Variants in WEE2 observed in about 807,000 individuals in gnomAD.
WEE2 encodes the protein wee1-like protein kinase 2.
A neutral mutation model predicts 60.1 loss-of-function variants in WEE2; 50 were observed. The ratio of observed to expected loss-of-function variants is 0.83; its 90% CI spans 0.66 to 1.05. The LOEUF (loss-of-function observed/expected upper bound fraction) is 1.05. WEE2 is among the 50% of genes least tolerant of loss of function. The pLI is 0.00. For missense variants in WEE2, 631 were observed against 684.3 expected (o/e 0.92, Z 0.87); for synonymous variants, 240 against 241.0 (o/e 1.00, Z 0.04).
chr7:141,717,299 T>C (rs1228869726), intron 3 of WEE2, among the ~76,000 whole-genome samples: 3 of 152,252 alleles, frequency 2.0e-5, no homozygotes, highest in African/African-American at 7.2e-5. Context: ...AATATGTTAA[T>C]ATGTTAAAAT....
chr7:141,727,125 G>C, intron 9 of WEE2, 179 bp from the exon 10 acceptor site: 1 of 623,734 alleles, frequency 1.6e-6, no homozygotes, highest in Non-Finnish European at 2.8e-6. Context: ...GGTGCTACCA[G>C]ACATGGACAA....
chr7:141,719,787 T>C (rs537158806), intron 4 of WEE2, among the ~76,000 whole-genome samples: 1 of 152,294 alleles, frequency 6.6e-6, no homozygotes, highest in Admixed American at 6.5e-5. Flanking sequence ...TGTTTTTTTG[T>C]GGCTTTTACT....
At position 141,711,758 on chromosome 7, in the gene WEE2, A is replaced by C. The variant is rs1161251275; in HGVS notation, c.343-2451A>C. 6.6e-6 allele frequency: 1 copy of C among 152,262 alleles called. No homozygotes were observed. Among genetic ancestry groups the C allele is most frequent in the African/African-American group, 2.4e-5 (1 of 41,462 alleles). 9.4% of individuals were successfully genotyped at this position (152,262 alleles called of 1,614,324 possible). On this transcript the variant is annotated intron_variant, in intron 1 of 11. Coordinates refer to ENST00000397541, the MANE Select transcript of WEE2 (RefSeq NM_001105558.1). This position sits in a 1 kb window ranked among gnomAD's most constrained non-coding sequence, Gnocchi z 4.2. ...AAGAAAAGAGGTTTATTTGGCTTAC[A>C]GTTCTGCAGGCTGTACAGTAAGCAT...
chr7:141,727,450 T>A lies in WEE2; in HGVS notation c.1535+4T>A. On this transcript the variant is annotated splice_donor_region_variant and intron_variant, in intron 10 of 11. Coordinates refer to ENST00000397541, the MANE Select transcript of WEE2 (RefSeq NM_001105558.1). ...TCAAGACTGCCACACTGGAAAGGTA[T>A]ATTTTTGGATGATGGGGGGTCAAGA... 6.2e-7 allele frequency: 1 copy of A among 1,613,918 alleles called. No homozygotes were observed. Among genetic ancestry groups the A allele is most frequent in the Non-Finnish European group, 8.5e-7 (1 of 1,179,920 alleles).
At chr7:141,723,586 G>C (rs1250606473) in intron 6 of WEE2, among the ~76,000 whole-genome samples, 4 of 152,114 alleles carry the variant, frequency 2.6e-5, no homozygotes, top group Non-Finnish European at 5.9e-5. Flanking sequence ...TATGACTAGG[G>C]CTATACTCAT....
Position 141,709,067 on chromosome 7 carries a change from G to C in WEE2, c.309G>C (p.Lys103Asn). Residue 103 changes from lysine (K) to asparagine (N), a missense_variant, in exon 1 of 12, where the codon AAG becomes AAC. By Grantham distance (94) the Lys-to-Asn change is moderately conservative. Coordinates refer to ENST00000397541, the MANE Select transcript of WEE2 (RefSeq NM_001105558.1). Reference sequence around the variant, plus strand: ...CAGCCCAACCAGACAGCAGGAGCAAGCTGCTGCCCAGTGACAGCCCCTCTA... The same window carrying C: ...CAGCCCAACCAGACAGCAGGAGCAACCTGCTGCCCAGTGACAGCCCCTCTA... ...ETPAQPDSRS[K>N]LLPSDSPSTP... 6.2e-7 allele frequency: 1 copy of C among 1,614,020 alleles called. No individual in the cohort carries two copies. Among genetic ancestry groups the C allele is most frequent in the Non-Finnish European group, 8.5e-7 (1 of 1,179,908 alleles).
At position 141,724,088 on chromosome 7, in the gene WEE2, A is replaced by G. The variant is rs185059891; in HGVS notation, c.1135+40A>G. On this transcript the variant is annotated intron_variant, in intron 7 of 11. Transcript: ENST00000397541. ...TAGCCTTACCAGTTACCATTATCCTATAAAATTTATAGTGATGACTCAATT... is the reference window on the plus strand; with the variant it reads ...TAGCCTTACCAGTTACCATTATCCTGTAAAATTTATAGTGATGACTCAATT... The G allele has an allele frequency of 3.8e-3, 5,937 of 1,573,776 alleles. 9 individuals carry two copies. The highest frequency in any genetic ancestry group is 4.7e-3 in the Non-Finnish European group (5,379 of 1,152,114).
chr7:141,724,337 G>A (rs1798973785), intron 8 of WEE2, 62 bp downstream of exon 8: 1 of 1,393,914 alleles, frequency 7.2e-7, no homozygotes. Context: ...CTCAAATGGA[G>A]GATCTCAGTG....
chr7:141,723,877 G>T (rs1329860458), intron 6 of WEE2, 64 bp from the exon 7 acceptor site: 2 of 1,090,442 alleles, frequency 1.8e-6, no homozygotes. Flanking sequence ...ATACAGAAAA[G>T]AATCTTTGAG....
rs139544685 is a variant in WEE2, at chr7:141,719,885, A to G, written c.758+641A>G. Among the ~76,000 whole-genome samples the G allele has an allele frequency of 3.1e-3, 475 of 152,268 alleles. 4 individuals carry two copies. The highest frequency in any genetic ancestry group is 0.011 in the African/African-American group (448 of 41,548). On this transcript the variant is annotated intron_variant, in intron 4 of 11. Coordinates refer to ENST00000397541, the MANE Select transcript of WEE2 (RefSeq NM_001105558.1). ...GTCTGTTTCATTTATCAGAAATATT[A>G]CCAAATAGAAAGTTATTATAAAGTC...
chr7:141,725,951 A>C (rs539134492), intron 9 of WEE2, among the ~76,000 whole-genome samples: 2 of 152,208 alleles, frequency 1.3e-5, no homozygotes, highest in Non-Finnish European at 2.9e-5. Context: ...TAAAAGAATG[A>C]ATTTCTATTA....
chr7:141,718,291 C>T (rs1416524785), intron 3 of WEE2, among the ~76,000 whole-genome samples: 1 of 151,984 alleles, frequency 6.6e-6, no homozygotes, highest in Non-Finnish European at 1.5e-5. Context: ...GATTTTTGGT[C>T]ATAATAGTTT....
Position 141,730,398 on chromosome 7 carries a change from C to A in WEE2, c.*78C>A. 1 of 1,313,990 alleles carries A rather than the reference C, an allele frequency of 7.6e-7. No homozygotes were observed. Among genetic ancestry groups the A allele is most frequent in the Non-Finnish European group, 1.1e-6 (1 of 916,878 alleles). 81.4% of individuals were successfully genotyped at this position (1,313,990 alleles called of 1,614,324 possible). On this transcript the variant is annotated 3_prime_UTR_variant, in exon 12 of 12. Coordinates refer to ENST00000397541, the MANE Select transcript of WEE2 (RefSeq NM_001105558.1). Reference sequence around the variant, plus strand: ...GTTGCTGATTCCCCACCAAAGATCCCAGGGACTCGTTGTACATAGAAAGGA... The same window carrying A: ...GTTGCTGATTCCCCACCAAAGATCCAAGGGACTCGTTGTACATAGAAAGGA...
At position 141,731,233 on chromosome 7, in the gene WEE2, T is replaced by C. The variant is rs1799135764; in HGVS notation, c.*913T>C. On this transcript the variant is annotated 3_prime_UTR_variant, in exon 12 of 12. Coordinates refer to ENST00000397541, the MANE Select transcript of WEE2 (RefSeq NM_001105558.1). ...CTTTTCCTCATTTTTAAAAGCTAAT[T>C]AAGTTTTTTTAATTGAATAAACCCT... 1 of 152,202 alleles carries C rather than the reference T, an allele frequency of 6.6e-6. No homozygotes were observed. Among genetic ancestry groups the C allele is most frequent in the Admixed American group, 6.5e-5 (1 of 15,282 alleles). The allele number at this position is 152,202 out of a possible 1,614,324, so 9.4% of individuals were successfully genotyped here.
chr7:141,725,507 C>A (rs1349432611), intron 9 of WEE2, among the ~76,000 whole-genome samples: 4 of 151,874 alleles, frequency 2.6e-5, no homozygotes, highest in African/African-American at 7.3e-5. Flanking sequence ...CACCTGTAGT[C>A]CCAGCTACTT....
chr7:141,724,893 C>A (rs993202831), intron 8 of WEE2, 133 bp from the exon 9 acceptor site: 4 of 998,346 alleles, frequency 4.0e-6, no homozygotes, highest in South Asian at 1.7e-5. Flanking sequence ...CTAACTACAG[C>A]GAATGTATCT....
rs201326597 is a variant in WEE2, at chr7:141,727,307, A to G, written c.1396A>G (p.Met466Val). The G allele has an allele frequency of 6.2e-7, 1 of 1,613,806 alleles. No individual in the cohort carries two copies. The highest frequency in any genetic ancestry group is 8.5e-7 in the Non-Finnish European group (1 of 1,179,894). ...SESFSSLLKN[M>V]IQPDAEQRPS... ...CCTCTTGGTCCTATATCATCAGAAC[A>G]TGATCCAACCTGATGCCGAACAGAG... Residue 466 changes from methionine (M) to valine (V), a missense_variant, in exon 10 of 12, where the codon ATG (methionine) becomes GTG (valine). Coordinates refer to ENST00000397541, the MANE Select transcript of WEE2 (RefSeq NM_001105558.1).
chr7:141,720,790 T>G lies in WEE2; in HGVS notation c.759-145T>G, dbSNP rs973760527. The G allele has an allele frequency of 3.2e-5, 29 of 916,268 alleles. No individual in the cohort carries two copies. In the African/African-American group the frequency reaches 4.0e-4, roughly 13 times the overall value. 56.8% of individuals were successfully genotyped at this position (916,268 alleles called of 1,614,324 possible). ...GTATATTACCAAATGATTATTAAGA[T>G]TCAATGAGATAAAATAGTAAGCAAG... On this transcript the variant is annotated intron_variant, in intron 4 of 11. Coordinates refer to ENST00000397541, the MANE Select transcript of WEE2 (RefSeq NM_001105558.1).
At chr7:141,715,754 G>C (rs1173940860) in intron 2 of WEE2, among the ~76,000 whole-genome samples, 1 of 152,132 alleles carries the variant, frequency 6.6e-6, no homozygotes, top group Non-Finnish European at 1.5e-5. Flanking sequence ...CAAATGCTTT[G>C]GTGTCAGACC....
Sources: allele counts gnomAD v4.1 joint callset (sites outside exome capture counted in the v4.1 genomes callset), GRCh38; gene constraint gnomAD v4.1.1; non-coding constraint Gnocchi (gnomAD v3.1); transcripts MANE v1.5; gene names NCBI Gene and HGNC (gene_info 2026-07-23, HGNC 2026-07-21).